The following VLDLR variants were observed in gnomAD, a reference collection of about 807,000 sequenced individuals.
The protein encoded by VLDLR is very low-density lipoprotein receptor.
A neutral mutation model predicts 112.7 loss-of-function variants in VLDLR; 81 were observed. The ratio of observed to expected loss-of-function variants is 0.72; its 90% CI spans 0.60 to 0.86. VLDLR has a LOEUF of 0.86. Ranked by LOEUF, VLDLR falls within the 40% of genes least tolerant of loss-of-function variation. The pLI, the probability that VLDLR is intolerant of heterozygous loss-of-function variation, is 0.00. For missense variants in VLDLR, 1,237 were observed against 1,099.4 expected (o/e 1.13, Z -1.77); for synonymous variants, 436 against 384.8 (o/e 1.13, Z -1.56).
chr9:2,644,608 G>C, intron 7 of VLDLR, 126 bp from the exon 8 acceptor site: 1 of 1,191,764 alleles, frequency 8.4e-7, no homozygotes, highest in Non-Finnish European at 1.2e-6. Flanking sequence ...TAAATGATTA[G>C]GTCTTAGACA....
intron 1 of VLDLR, among the ~76,000 whole-genome samples, chr9:2,626,689 G>A (rs986253317): frequency 3.9e-5 from 6 of 152,154 alleles, no homozygotes; most frequent in African/African-American, 1.4e-4. Flanking sequence ...TTGCCAACTT[G>A]GGGGCCATCT....
rs1818630967 is a variant in VLDLR, at chr9:2,656,932, G to A, written c.*3064G>A. ...TATCGCTGCCTCTTTAGTTCTTGAT[G>A]AATACAAGGCAAAAAAAAAAAAAAA... On this transcript the variant is annotated 3_prime_UTR_variant, in exon 19 of 19. Coordinates refer to ENST00000382100, the MANE Select transcript of VLDLR (RefSeq NM_003383.5). The A allele has an allele frequency of 1.2e-5, 1 of 84,518 alleles. No homozygotes were observed. The highest frequency in any genetic ancestry group is 2.1e-5 in the Non-Finnish European group (1 of 47,974). The allele number at this position is 84,518 out of a possible 1,614,324, so 5.2% of individuals were successfully genotyped here.
In VLDLR at chr9:2,641,912, G is replaced by T. The variant is rs370536425; in HGVS notation, c.448+413G>T. Among the ~76,000 whole-genome samples, 18 of 150,510 alleles carry T rather than the reference G, an allele frequency of 1.2e-4. No individual in the cohort carries two copies. The East Asian group carries it at 2.7e-3, about 23-fold the overall frequency. ...ATTGGGTTATTGGAATAAATTATTT[G>T]AGTATTATACAAGCATTTCTTTGCC... On this transcript the variant is annotated intron_variant, in intron 4 of 18. Coordinates refer to ENST00000382100, the MANE Select transcript of VLDLR (RefSeq NM_003383.5).
intron 1 of VLDLR, among the ~76,000 whole-genome samples, chr9:2,627,852 G>A (rs1226311595): frequency 2.1e-5 from 3 of 143,280 alleles, no homozygotes; most frequent in East Asian, 2.0e-4. Flanking sequence ...GCTACAGTGC[G>A]AGAATCCATC....
rs1046958223 is a variant in VLDLR, at chr9:2,656,763, T to G, written c.*2895T>G. 2 of 152,028 alleles carry G rather than the reference T, an allele frequency of 1.3e-5. No homozygotes were observed. The highest frequency in any genetic ancestry group is 2.9e-5 in the Non-Finnish European group (2 of 68,014). The allele number at this position is 152,028 out of a possible 1,614,324, so 9.4% of individuals were successfully genotyped here. ...GATGATAGATGAATAAACAGATTTG[T>G]GGCCTCTGGTAAAGAAATCCAGCCA... On this transcript the variant is annotated 3_prime_UTR_variant, in exon 19 of 19. Coordinates refer to ENST00000382100, the MANE Select transcript of VLDLR (RefSeq NM_003383.5).
chr9:2,634,398 T>C (rs1036063245), intron 1 of VLDLR, among the ~76,000 whole-genome samples: 4 of 152,226 alleles, frequency 2.6e-5, no homozygotes, highest in South Asian at 2.1e-4. Flanking sequence ...GCGTGAACTA[T>C]ATGATTCCAC....
intron 17 of VLDLR, 30 bp from the exon 18 acceptor site, chr9:2,652,750 C>A: frequency 6.2e-7 from 1 of 1,613,946 alleles, no homozygotes; most frequent in South Asian, 1.1e-5. Flanking sequence ...CTAGACTTAG[C>A]TCACTTAGCT....
Position 2,652,998 on chromosome 9 carries a change from T to C in VLDLR, c.2586+49T>C, listed in dbSNP as rs78722451. 2,487 of 1,611,724 alleles carry C rather than the reference T, an allele frequency of 1.5e-3. 44 individuals are homozygous for C. In the African/African-American group the frequency reaches 0.029, roughly 19 times the overall value. ...ACACCATGGCTTGAAGTGAGACTTT[T>C]CAGAAAGGAGACCTGGGTGAGAGAG... On this transcript the variant is annotated intron_variant, in intron 18 of 18. Coordinates refer to ENST00000382100, the MANE Select transcript of VLDLR (RefSeq NM_003383.5).
chr9:2,627,208 G>C (rs1193766712), intron 1 of VLDLR, among the ~76,000 whole-genome samples: 1 of 152,172 alleles, frequency 6.6e-6, no homozygotes, highest in Non-Finnish European at 1.5e-5. Context: ...ATAGCAGCTG[G>C]AGATTTCTGG....
intron 12 of VLDLR, among the ~76,000 whole-genome samples, 158 bp from the exon 13 acceptor site, chr9:2,648,050 A>G (rs1243016013): frequency 6.6e-6 from 1 of 152,234 alleles, no homozygotes; most frequent in South Asian, 2.1e-4. Flanking sequence ...ACGTGGATAC[A>G]GGCTCTGCAT....
At chr9:2,624,299 C>T (rs1019316754) in intron 1 of VLDLR, among the ~76,000 whole-genome samples, 1 of 152,152 alleles carries the variant, frequency 6.6e-6, no homozygotes, top group African/African-American at 2.4e-5. Context: ...TAAACCAATC[C>T]CAACCGGCAT....
intron 2 of VLDLR, among the ~76,000 whole-genome samples, chr9:2,638,021 C>G (rs988678496): frequency 1.3e-5 from 2 of 152,200 alleles, no homozygotes; most frequent in Non-Finnish European, 2.9e-5. Flanking sequence ...CCGCTACTCC[C>G]TCTTTTGTAG....
intron 1 of VLDLR, among the ~76,000 whole-genome samples, chr9:2,628,836 G>A (rs1301017847): frequency 6.6e-6 from 1 of 152,280 alleles, no homozygotes; most frequent in Middle Eastern, 3.4e-3. Context: ...CTGCAAAATA[G>A]TTTTGAGGGC....
chr9:2,630,160 G>A (rs903632364), intron 1 of VLDLR, among the ~76,000 whole-genome samples: 2 of 152,122 alleles, frequency 1.3e-5, no homozygotes, highest in Non-Finnish European at 2.9e-5. Context: ...GTGCTTGACA[G>A]CTCAGAACAT....
intron 3 of VLDLR, 100 bp downstream of exon 3, chr9:2,640,081 G>A: frequency 6.2e-7 from 1 of 1,602,416 alleles, no homozygotes. Flanking sequence ...ATTTTTCTTT[G>A]CCTGCCTTAA....
intron 17 of VLDLR, 86 bp downstream of exon 17, chr9:2,652,040 A>C: frequency 8.4e-7 from 1 of 1,185,074 alleles, no homozygotes; most frequent in Non-Finnish European, 1.2e-6. Context: ...TACCCCTTTC[A>C]TGGGCCTTTA....
rs538594207 is a variant in VLDLR, at chr9:2,658,486, T to A, written c.*4618T>A. 1 of 152,328 alleles carries A rather than the reference T, an allele frequency of 6.6e-6. No individual in the cohort carries two copies. The highest frequency in any genetic ancestry group is 1.9e-4 in the East Asian group (1 of 5,188). The allele number at this position is 152,328 out of a possible 1,614,324, so 9.4% of individuals were successfully genotyped here. On this transcript the variant is annotated 3_prime_UTR_variant, in exon 19 of 19. Coordinates refer to ENST00000382100, the MANE Select transcript of VLDLR (RefSeq NM_003383.5). ...CTCATGGCATATCAAAAATGGCTTT[T>A]TTCTTCACTGCGCTCAAGGAAAAAG...
intron 1 of VLDLR, among the ~76,000 whole-genome samples, chr9:2,624,688 A>G (rs979163682): frequency 1.3e-5 from 2 of 152,228 alleles, no homozygotes; most frequent in Admixed American, 6.5e-5. Flanking sequence ...TACTGGTGGT[A>G]GTAATAGACC....
rs752246027 is a variant in VLDLR, at chr9:2,622,228, C to T, written c.39C>T (p.Leu13=). Residue 13 remains leucine, a synonymous_variant, in exon 1 of 19, where the codon CTC becomes CTT. Coordinates refer to ENST00000382100, the MANE Select transcript of VLDLR (RefSeq NM_003383.5). The part of the protein sequence containing the change: ...TSALWALWLL[L]ALCWAPRESG... ...CGCTCTGGGCGCTCTGGCTGCTGCTCGCGCTGTGCTGGGCGCCCCGGGAGA... is the reference window on the plus strand; with the variant it reads ...CGCTCTGGGCGCTCTGGCTGCTGCTTGCGCTGTGCTGGGCGCCCCGGGAGA... 112 of 1,505,890 alleles carry T rather than the reference C, an allele frequency of 7.4e-5. No homozygotes were observed. The African/African-American group carries it at 1.5e-3, about 20-fold the overall frequency. 93.3% of individuals were successfully genotyped at this position (1,505,890 alleles called of 1,614,324 possible). A position where few individuals can be genotyped will look rare whatever the true frequency, so the allele number is the denominator to read the frequency against.
Sources: gnomAD v4.1 joint callset for allele counts (sites outside exome capture counted in the v4.1 genomes callset) on GRCh38, gnomAD v4.1.1 for gene constraint, MANE v1.5 for transcripts, NCBI Gene and HGNC (gene_info 2026-07-23, HGNC 2026-07-21) for gene names.